The following DAAM1 variants were observed in gnomAD, a reference collection of about 807,000 sequenced individuals.
The protein encoded by DAAM1 is disheveled-associated activator of morphogenesis 1.
DAAM1 carries 52 observed loss-of-function variants against 130.0 expected under a neutral mutation model. The ratio of observed to expected loss-of-function variants is 0.40; its 90% CI spans 0.32 to 0.50. The LOEUF is 0.50. Ranked by LOEUF, DAAM1 falls within the 20% of genes least tolerant of loss-of-function variation. The probability of loss-of-function intolerance (pLI) is 0.61; values close to 1 mark genes in which losing one functional copy is unlikely to be tolerated. For synonymous variants in DAAM1, 452 were observed against 444.5 expected (o/e 1.02, Z -0.21); for missense variants, 1,134 against 1,303.8 (o/e 0.87, Z 2.01).
At chr14:59,198,717 G>A (rs909351960) in intron 1 of DAAM1, among the ~76,000 whole-genome samples, 7 of 152,222 alleles carry the variant, frequency 4.6e-5, no homozygotes. Flanking sequence ...CAATTTACAT[G>A]TAACTTCTGT....
rs757770953 is a variant in DAAM1 at position 59,369,909 on chromosome 14, A to T, written c.*1050A>T. On this transcript the variant is annotated 3_prime_UTR_variant, in exon 25 of 25. Coordinates refer to ENST00000360909, the MANE Select transcript of DAAM1 (RefSeq NM_001270520.2). ...AATGTCAACATCAGCAGAGATGCCC[A>T]GATCTATTTATCTCTAAGTATATTT... 22 of 151,910 alleles carry T rather than the reference A, an allele frequency of 1.4e-4. No homozygotes were observed. Among genetic ancestry groups the T allele is most frequent in the Non-Finnish European group, 2.6e-4 (18 of 67,940 alleles). 9.4% of individuals were successfully genotyped at this position (151,910 alleles called of 1,614,324 possible).
chr14:59,317,021 C>T (rs1262435762), intron 4 of DAAM1, among the ~76,000 whole-genome samples: 1 of 152,188 alleles, frequency 6.6e-6, no homozygotes, highest in African/African-American at 2.4e-5. Flanking sequence ...CAACATGTGG[C>T]CCTTCTTTAA....
At chr14:59,251,837 G>A (rs1047452016) in intron 1 of DAAM1, among the ~76,000 whole-genome samples, 1 of 152,106 alleles carries the variant, frequency 6.6e-6, no homozygotes, top group Non-Finnish European at 1.5e-5. Context: ...CTTTTGAAGG[G>A]AGTTCCAGTT....
At chr14:59,357,969 C>G (rs1886549621) in intron 20 of DAAM1, among the ~76,000 whole-genome samples, 1 of 152,162 alleles carries the variant, frequency 6.6e-6, no homozygotes, top group African/African-American at 2.4e-5. Flanking sequence ...TGTTTGAAAA[C>G]TCTGATTCAT....
At position 59,252,403 on chromosome 14, in the gene DAAM1, C is replaced by T. The variant is rs533244080; in HGVS notation, c.-37-11038C>T. ...GTATGCAAATATCAGAGTTTTTGTA[C>T]AGTTGTTTGGATTGGAATATTAAAC... On this transcript the variant is annotated intron_variant, in intron 1 of 24. Coordinates refer to ENST00000360909, the MANE Select transcript of DAAM1 (RefSeq NM_001270520.2). Among the ~76,000 whole-genome samples the T allele has an allele frequency of 8.5e-5, 13 of 152,282 alleles. No individual in the cohort carries two copies. The South Asian group carries it at 2.1e-3, about 24-fold the overall frequency.
At chr14:59,322,591 T>C (rs7161346) in intron 5 of DAAM1, among the ~76,000 whole-genome samples, 7,179 of 152,172 alleles carry the variant, frequency 0.047, 558 homozygotes, top group African/African-American at 0.16. Flanking sequence ...AGACAAGATA[T>C]GTATTCCGAG....
At chr14:59,356,182 T>C (rs548849741) in intron 20 of DAAM1, among the ~76,000 whole-genome samples, 1 of 152,330 alleles carries the variant, frequency 6.6e-6, no homozygotes, top group African/African-American at 2.4e-5. Flanking sequence ...CATACCCAAA[T>C]TCTTTTTAGA....
At chr14:59,216,474 A>G (rs954241793) in intron 1 of DAAM1, among the ~76,000 whole-genome samples, 10 of 152,296 alleles carry the variant, frequency 6.6e-5, no homozygotes, top group African/African-American at 2.2e-4. Context: ...TAATACCAGC[A>G]CTTTGGGAGG....
chr14:59,262,839 C>G (rs986000625), intron 1 of DAAM1, among the ~76,000 whole-genome samples: 2 of 152,214 alleles, frequency 1.3e-5, no homozygotes, highest in African/African-American at 4.8e-5. Context: ...AGTGCCTTCT[C>G]TCTTCCTGGG....
chr14:59,325,675 T>A lies in DAAM1; in HGVS notation c.1001T>A (p.Phe334Tyr), dbSNP rs757169885. ...ENSTLDRHLDFFEMLRNEDEL... is the reference protein window; with the variant it reads ...ENSTLDRHLDYFEMLRNEDEL... The stretch of plus-strand genomic sequence containing the variant: ...TCATTATTTTTCAGGCATTTAGACT[T>A]TTTTGAAATGCTCCGAAATGAAGAT... The change falls in exon 9 of 25, where the codon TTT (phenylalanine) becomes TAT (tyrosine). Residue 334 changes from phenylalanine to tyrosine, a missense_variant. Physicochemically the swap from Phe to Tyr is conservative, Grantham distance 22. This residue lies in a region of DAAM1 where 391 missense variants were observed against 521.6 expected (regional missense o/e 0.75). Transcript: ENST00000360909. The A allele has an allele frequency of 1.9e-5, 30 of 1,613,842 alleles. No homozygotes were observed. The Middle Eastern group carries it at 8.3e-4, about 45-fold the overall frequency.
chr14:59,343,476 C>T lies in DAAM1; in HGVS notation c.2075+3296C>T, dbSNP rs17096130. ...TACTATCTTTCTTTCCTGATTATTTCATTCCCAGAGACTGGTGAACTTCTC... is the reference window on the plus strand; with the variant it reads ...TACTATCTTTCTTTCCTGATTATTTTATTCCCAGAGACTGGTGAACTTCTC... On this transcript the variant is annotated intron_variant, in intron 16 of 24. Coordinates refer to ENST00000360909, the MANE Select transcript of DAAM1 (RefSeq NM_001270520.2). Among the ~76,000 whole-genome samples the T allele has an allele frequency of 5.9e-3, 891 of 151,734 alleles. 14 individuals carry two copies. The highest frequency in any genetic ancestry group is 0.021 in the African/African-American group (862 of 41,536).
chr14:59,316,974 C>T (rs894862836), intron 4 of DAAM1, among the ~76,000 whole-genome samples: 4 of 152,152 alleles, frequency 2.6e-5, no homozygotes, highest in Non-Finnish European at 5.9e-5. Context: ...CTGAAGTAGA[C>T]CTGGTTCATT....
chr14:59,354,193 TG>T (rs1317911340), intron 19 of DAAM1, among the ~76,000 whole-genome samples: 12 of 152,038 alleles, frequency 7.9e-5, no homozygotes, highest in Non-Finnish European at 1.0e-4. Flanking sequence ...CCTGAGTAGC[TG>T]GGACTACAGG....
chr14:59,198,523 C>T (rs1192475546), intron 1 of DAAM1, among the ~76,000 whole-genome samples: 1 of 152,020 alleles, frequency 6.6e-6, no homozygotes, highest in African/African-American at 2.4e-5. Context: ...GCCACCGTGC[C>T]TGGCCCCATT....
rs577974548 is a variant in DAAM1, at chr14:59,232,118, G to A, written c.-37-31323G>A. On this transcript the variant is annotated intron_variant, in intron 1 of 24. Coordinates refer to ENST00000360909, the MANE Select transcript of DAAM1 (RefSeq NM_001270520.2). Reference sequence around the variant, plus strand: ...TCTCCAGCAGTGCTGCTGCTTAAAGGTTGGCACTTCAGCATATTTCTCACC... The same window carrying A: ...TCTCCAGCAGTGCTGCTGCTTAAAGATTGGCACTTCAGCATATTTCTCACC... Among the ~76,000 whole-genome samples the A allele has an allele frequency of 1.5e-4, 23 of 152,244 alleles. No homozygotes were observed. The South Asian group carries it at 4.8e-3, about 32-fold the overall frequency.
At chr14:59,357,551 G>A (rs536367190) in intron 20 of DAAM1, among the ~76,000 whole-genome samples, 37 of 152,280 alleles carry the variant, frequency 2.4e-4, no homozygotes, top group South Asian at 1.4e-3. Flanking sequence ...GGCCGAGGCC[G>A]GAAGATCATG....
chr14:59,354,200 A>G (rs1200169806), intron 19 of DAAM1, among the ~76,000 whole-genome samples: 1 of 151,794 alleles, frequency 6.6e-6, no homozygotes, highest in Non-Finnish European at 1.5e-5. Context: ...AGCTGGGACT[A>G]CAGGTGCCTG....
At chr14:59,226,535 G>T (rs1013816052) in intron 1 of DAAM1, among the ~76,000 whole-genome samples, 4 of 152,124 alleles carry the variant, frequency 2.6e-5, no homozygotes. Flanking sequence ...TAGCAGGATT[G>T]GGGGTGGGAT....
intron 1 of DAAM1, among the ~76,000 whole-genome samples, chr14:59,213,297 A>G (rs1337951439): frequency 7.5e-6 from 1 of 134,224 alleles, no homozygotes; most frequent in Non-Finnish European, 1.5e-5. Flanking sequence ...GCTCTTATAT[A>G]TATTGAGATT....
Sources: gnomAD v4.1 joint callset for allele counts (sites outside exome capture counted in the v4.1 genomes callset) on GRCh38, gnomAD v4.1.1 for gene constraint, gnomAD v4.1.1 regional missense constraint, MANE v1.5 for transcripts, NCBI Gene and HGNC (gene_info 2026-07-23, HGNC 2026-07-21) for gene names.